Variants in DAPK2 observed in about 807,000 individuals in gnomAD.
DAPK2 encodes death associated protein kinase 2.
Under a neutral mutation model 44.1 loss-of-function variants are expected in DAPK2, and 35 were observed. The observed-to-expected ratio is 0.79, with a 90% CI of 0.61 to 1.05. The LOEUF (loss-of-function observed/expected upper bound fraction) is 1.05, where lower values mean the gene tolerates loss of function less well. Among genes scored for constraint, DAPK2 ranks in the 50% least tolerant of loss-of-function variants. DAPK2 has a pLI of 0.00. For missense variants in DAPK2, 453 were observed against 483.2 expected (o/e 0.94, Z 0.59); for synonymous variants, 174 against 182.6 (o/e 0.95, Z 0.38).
chr15:63,938,695 G>C (rs1213645410), intron 4 of DAPK2, among the ~76,000 whole-genome samples: 1 of 152,176 alleles, frequency 6.6e-6, no homozygotes, highest in East Asian at 1.9e-4. Context: ...AATGGGCAGG[G>C]GCCTGGGCCA....
At chr15:64,046,381 G>GAGCGGCGGGCGCGGCGGGAGCGGGGGA (rs1429681555), upstream of DAPK2, 1 of 374,506 alleles carries the variant, frequency 2.7e-6, no homozygotes, top group African/African-American at 2.2e-5. The surrounding 1 kb of genome is among the most constrained non-coding windows in gnomAD (Gnocchi z 5.3). Context: ...GGCGCGGCGG[G>GAGCGGCGGGCGCGGCGGGAGCGGGGGA]CGCGGCGGGA....
At chr15:64,009,836 C>G (rs1171229728) in intron 1 of DAPK2, among the ~76,000 whole-genome samples, 1 of 152,174 alleles carries the variant, frequency 6.6e-6, no homozygotes, top group Non-Finnish European at 1.5e-5. Flanking sequence ...ACCACACCCA[C>G]TGTAAGAGAG....
chr15:63,932,040 G>A (rs956118911), intron 4 of DAPK2, among the ~76,000 whole-genome samples: 1 of 151,774 alleles, frequency 6.6e-6, no homozygotes, highest in African/African-American at 2.4e-5. Context: ...GGTGGCGGGT[G>A]CTTTTAACCC....
In DAPK2 at chr15:63,929,468, G is replaced by A; in HGVS notation, c.659+83C>T. On this transcript the variant is annotated intron_variant, in intron 6 of 10. Transcript: ENST00000261891. ...TATGGTGGGTGCTTAGTAAATGTCA[G>A]TCTATCAGCCTGCCCCTCTCTCATT... is the stretch of plus-strand genomic sequence containing the variant. The A allele has an allele frequency of 2.6e-6, 4 of 1,560,182 alleles. 1 individual carries two copies. The Admixed American group carries it at 6.7e-5, about 26-fold the overall frequency.
chr15:63,925,826 C>A (rs2079240785), intron 7 of DAPK2, 115 bp downstream of exon 8: 15 of 1,368,816 alleles, frequency 1.1e-5, no homozygotes, highest in Non-Finnish European at 1.5e-5. Context: ...CCGGATTAGA[C>A]CACAACAGTG....
intron 4 of DAPK2, 83 bp from the exon 6 acceptor site, chr15:63,930,538 G>A (rs1861228663): frequency 7.8e-7 from 1 of 1,277,822 alleles, no homozygotes; most frequent in African/African-American, 1.5e-5. Context: ...GGAATTTGGT[G>A]CCAAATATCT....
intron 1 of DAPK2, among the ~76,000 whole-genome samples, chr15:64,022,208 T>G (rs1245638477): frequency 6.6e-6 from 1 of 152,248 alleles, no homozygotes; most frequent in Non-Finnish European, 1.5e-5. Flanking sequence ...CTACAGGTAG[T>G]GGCTACTGGG....
At position 63,947,015 on chromosome 15, in the gene DAPK2, G is replaced by A. The variant is rs142246970; in HGVS notation, c.454-7654C>T. On this transcript the variant is annotated intron_variant, in intron 3 of 10. Transcript: ENST00000261891. ...CCCCTCCCCACAAGTCTTCAGTGTG[G>A]CCCATGCCCAATACGTGCCTCTGTG... 6.8e-3 allele frequency among the ~76,000 whole-genome samples: 1,033 copies of A among 152,104 alleles called. 12 individuals are homozygous for A. The highest frequency in any genetic ancestry group is 0.024 in the African/African-American group (975 of 41,482).
intron 3 of DAPK2, among the ~76,000 whole-genome samples, chr15:63,944,626 G>A (rs766717225): frequency 1.1e-4 from 17 of 152,264 alleles, no homozygotes; most frequent in East Asian, 7.7e-4. Context: ...ATAAGAAAAC[G>A]GGGCTCACAC....
intron 1 of DAPK2, among the ~76,000 whole-genome samples, chr15:64,008,676 T>C (rs188460298): frequency 6.6e-5 from 10 of 152,316 alleles, no homozygotes; most frequent in African/African-American, 2.4e-4. Flanking sequence ...CATGCACAAA[T>C]GATATGTATG....
At chr15:63,942,246 T>C in intron 3 of DAPK2, 1 of 985,392 alleles carries the variant, frequency 1.0e-6, no homozygotes, top group Non-Finnish European at 1.2e-6. Flanking sequence ...GTTTCTTCAC[T>C]GGTCTATAAG....
At chr15:63,921,020 T>G (rs1395537494) in intron 8 of DAPK2, 1 of 152,292 alleles carries the variant, frequency 6.6e-6, no homozygotes, top group African/African-American at 2.4e-5. Context: ...CAGTGCTATG[T>G]GCTTCTCTCC....
rs1308368667 is a variant in DAPK2 at position 64,020,432 on chromosome 15, C to T, written c.92+19738G>A. On this transcript the variant is annotated intron_variant, in intron 1 of 10. Coordinates refer to ENST00000261891, the Ensembl canonical transcript of DAPK2. The surrounding 1 kb of genome is among the most constrained non-coding windows in gnomAD (Gnocchi z 4.5). Reference sequence around the variant, plus strand: ...GTCTTCCCCAAGAGTGGCATGTTCTCTTGCAGTAATGATTAAGGTGATACC... The same window carrying T: ...GTCTTCCCCAAGAGTGGCATGTTCTTTTGCAGTAATGATTAAGGTGATACC... Among the ~76,000 whole-genome samples, 1 of 152,202 alleles carries T rather than the reference C, an allele frequency of 6.6e-6. No homozygotes were observed. The highest frequency in any genetic ancestry group is 1.5e-5 in the Non-Finnish European group (1 of 68,044).
At chr15:63,999,466 A>G (rs2079029601) in intron 1 of DAPK2, among the ~76,000 whole-genome samples, 1 of 152,214 alleles carries the variant, frequency 6.6e-6, no homozygotes, top group African/African-American at 2.4e-5. Context: ...CCAAGGTCAC[A>G]AAGCAGTTCA....
chr15:63,983,555 C>T (rs148399921), exon 2 of DAPK2: 35 of 1,614,038 alleles, frequency 2.2e-5, no homozygotes, highest in Middle Eastern at 1.6e-4. Flanking sequence ...AGCACCACGT[C>T]GGTGCGGTTC....
intron 1 of DAPK2, among the ~76,000 whole-genome samples, chr15:64,038,832 T>C (rs2141204774): frequency 6.6e-6 from 1 of 152,282 alleles, no homozygotes; most frequent in East Asian, 1.9e-4. Flanking sequence ...AAGGGAAAAG[T>C]CAAGCTGGGA....
intron 3 of DAPK2, among the ~76,000 whole-genome samples, chr15:63,942,482 G>A (rs1291072352): frequency 6.6e-6 from 1 of 152,042 alleles, no homozygotes; most frequent in Non-Finnish European, 1.5e-5. Context: ...AACCGGGGAG[G>A]TGGAGGCTGC....
chr15:63,957,443 G>T (rs2077757878), intron 3 of DAPK2, among the ~76,000 whole-genome samples: 1 of 151,812 alleles, frequency 6.6e-6, no homozygotes, highest in African/African-American at 2.4e-5. Flanking sequence ...TGCCATGTTG[G>T]TATGCTGCAC....
At chr15:64,028,476 A>T (rs2079917260) in intron 1 of DAPK2, among the ~76,000 whole-genome samples, 1 of 152,242 alleles carries the variant, frequency 6.6e-6, no homozygotes, top group Admixed American at 6.5e-5. Context: ...GCAACACATG[A>T]TCCTGCCCTG....
Sources: allele counts gnomAD v4.1 joint callset (sites outside exome capture counted in the v4.1 genomes callset), GRCh38; gene constraint gnomAD v4.1.1; non-coding constraint Gnocchi (gnomAD v3.1); transcripts MANE v1.5; gene names NCBI Gene and HGNC (gene_info 2026-07-23, HGNC 2026-07-21).